DNM3: variants seen among roughly 807,000 people sequenced by gnomAD.
The protein encoded by DNM3 is dynamin-3.
DNM3 carries 47 observed loss-of-function variants against 101.6 expected under a neutral mutation model. That is an observed-to-expected ratio of 0.46 (90% CI 0.37 to 0.59). The LOEUF (loss-of-function observed/expected upper bound fraction) is 0.59, where lower values mean the gene tolerates loss of function less well. Ranked by LOEUF, DNM3 falls within the 20% of genes least tolerant of loss-of-function variation. DNM3 has a pLI of 0.00. For synonymous variants in DNM3, 385 were observed against 387.9 expected, an observed-to-expected ratio of 0.99 and a Z score of 0.09; for missense variants, 849 against 1,085.7, an observed-to-expected ratio of 0.78 and a Z score of 3.06.
At chr1:172,318,833 G>A (rs1454416299) in intron 16 of DNM3, among the ~76,000 whole-genome samples, 7 of 152,198 alleles carry the variant, frequency 4.6e-5, no homozygotes, top group South Asian at 4.2e-4. Context: ...TATAGATTCA[G>A]TGCCATCCCC....
chr1:172,138,350 C>CT (rs1251752629), intron 14 of DNM3: 29 of 115,320 alleles, frequency 2.5e-4, no homozygotes, highest in African/African-American at 9.4e-4. Flanking sequence ...CTATCCCCTT[C>CT]CAAAAAAAAA....
intron 14 of DNM3, among the ~76,000 whole-genome samples, chr1:172,172,826 A>G (rs1483977567): frequency 1.3e-5 from 2 of 151,822 alleles, no homozygotes; most frequent in Non-Finnish European, 2.9e-5. Flanking sequence ...TGGTTGGGAA[A>G]ACATTTCTTC....
chr1:171,900,338 G>C (rs78501595), intron 1 of DNM3, among the ~76,000 whole-genome samples: 15 of 151,988 alleles, frequency 9.9e-5, no homozygotes, highest in Non-Finnish European at 2.1e-4. Flanking sequence ...CCATTAGCAG[G>C]GGGTGGATGA....
intron 1 of DNM3, among the ~76,000 whole-genome samples, chr1:171,887,021 C>A (rs370475321): frequency 6.6e-6 from 1 of 152,188 alleles, no homozygotes; most frequent in African/African-American, 2.4e-5. Flanking sequence ...AATACAAGGG[C>A]AGGAGAAGGT....
chr1:172,413,902 G>A (rs1329243413), downstream of DNM3, among the ~76,000 whole-genome samples: 1 of 152,162 alleles, frequency 6.6e-6, no homozygotes, highest in African/African-American at 2.4e-5. Flanking sequence ...TTCTGGATGC[G>A]AATCATGCTG....
chr1:172,337,897 TTTTA>T (rs2066512584), intron 17 of DNM3, among the ~76,000 whole-genome samples: 1 of 143,204 alleles, frequency 7.0e-6, no homozygotes, highest in Non-Finnish European at 1.5e-5. Context: ...TTTTATTTTA[TTTTA>T]TTTTATTTTA....
intron 2 of DNM3, among the ~76,000 whole-genome samples, chr1:171,958,155 G>A (rs1379855282): frequency 1.3e-5 from 2 of 152,076 alleles, no homozygotes; most frequent in East Asian, 3.8e-4. Flanking sequence ...GCATGTTCAG[G>A]GAAACTCCCC....
At chr1:172,399,432 G>A (rs192936487) in intron 20 of DNM3, among the ~76,000 whole-genome samples, 2 of 152,198 alleles carry the variant, frequency 1.3e-5, no homozygotes, top group Admixed American at 6.5e-5. Context: ...TCCCTCTTTT[G>A]TAAGAGCTAA....
chr1:172,289,729 C>A, intron 15 of DNM3: 1 of 984,770 alleles, frequency 1.0e-6, no homozygotes. Flanking sequence ...GTTGCATGTT[C>A]TAAGTTTCAA....
chr1:172,375,165 A>T (rs2068535292), intron 17 of DNM3, among the ~76,000 whole-genome samples: 1 of 152,096 alleles, frequency 6.6e-6, no homozygotes, highest in Non-Finnish European at 1.5e-5. Flanking sequence ...GTATGTAAAC[A>T]TGATGATGAT....
At chr1:172,388,417 C>T (rs1318502457) in intron 19 of DNM3, among the ~76,000 whole-genome samples, 156 bp from the exon 20 acceptor site, 2 of 152,140 alleles carry the variant, frequency 1.3e-5, no homozygotes, top group African/African-American at 4.8e-5. Context: ...TTACTTTTCT[C>T]CATTTACCCT....
chr1:172,405,505 C>A (rs12095658), intron 20 of DNM3, among the ~76,000 whole-genome samples: 16,733 of 152,046 alleles, frequency 0.11, 3,073 homozygotes, highest in African/African-American at 0.38. Flanking sequence ...ATTCCTTTCT[C>A]TCTTGGCTAC....
chr1:171,900,371 C>T (rs115709642), intron 1 of DNM3, among the ~76,000 whole-genome samples: 2,182 of 151,862 alleles, frequency 0.014, 61 homozygotes, highest in African/African-American at 0.048. Context: ...GGAGAACATG[C>T]AGAGTGAAAA....
chr1:171,874,473 C>T (rs17658481), intron 1 of DNM3, among the ~76,000 whole-genome samples: 63,027 of 151,946 alleles, frequency 0.41, 13,217 homozygotes, highest in Non-Finnish European at 0.43. Flanking sequence ...TTAGATATTG[C>T]AGTGACAAAG....
At chr1:172,176,882 T>C (rs2059170014) in intron 14 of DNM3, among the ~76,000 whole-genome samples, 1 of 151,694 alleles carries the variant, frequency 6.6e-6, no homozygotes, top group Non-Finnish European at 1.5e-5. Context: ...GGATATATTA[T>C]AGAAAAGAGG....
chr1:172,327,531 G>C (rs1231956259), intron 17 of DNM3, among the ~76,000 whole-genome samples: 1 of 152,112 alleles, frequency 6.6e-6, no homozygotes, highest in Non-Finnish European at 1.5e-5. Context: ...TATAATCATG[G>C]TGAATGAAAG....
At chr1:171,964,217 T>C (rs1337489296) in intron 2 of DNM3, among the ~76,000 whole-genome samples, 1 of 152,190 alleles carries the variant, frequency 6.6e-6, no homozygotes. Context: ...GTCTTTTTCC[T>C]GATCCAGGAG....
At chr1:172,256,293 A>G (rs947341903) in intron 15 of DNM3, among the ~76,000 whole-genome samples, 31 of 151,854 alleles carry the variant, frequency 2.0e-4, no homozygotes, top group African/African-American at 6.5e-4. Flanking sequence ...CTATTAGCTG[A>G]CTGTTTGGTG....
chr1:172,004,074 A>G (rs2046520368), intron 4 of DNM3, among the ~76,000 whole-genome samples: 1 of 152,000 alleles, frequency 6.6e-6, no homozygotes, highest in South Asian at 2.1e-4. Flanking sequence ...TGGGCAAAAG[A>G]GTTGAGGATA....
Sources: allele counts gnomAD v4.1 joint callset (sites outside exome capture counted in the v4.1 genomes callset), GRCh38; gene constraint gnomAD v4.1.1; transcripts MANE v1.5; gene names NCBI Gene and HGNC (gene_info 2026-07-23, HGNC 2026-07-21).